The following ZNF251 variants were observed in gnomAD, a reference collection of about 807,000 sequenced individuals.
The protein encoded by ZNF251 is zinc finger protein 251.
In ZNF251, 14 loss-of-function variants were observed where a neutral mutation model predicts 13.5. The observed-to-expected ratio is 1.04, with a 90% CI of 0.69 to 1.63. The LOEUF (loss-of-function observed/expected upper bound fraction) is 1.63, where lower values mean the gene tolerates loss of function less well. ZNF251 is among the 40% of genes most tolerant of loss of function. The pLI is 0.00. For synonymous variants in ZNF251, 287 were observed against 295.2 expected (o/e 0.97, Z 0.28); for missense variants, 764 against 834.9 (o/e 0.92, Z 1.05).
chr8:144,752,019 AGC>A (rs1824718074), intron 4 of ZNF251, among the ~76,000 whole-genome samples: 1 of 152,262 alleles, frequency 6.6e-6, no homozygotes, highest in Admixed American at 6.5e-5. Flanking sequence ...CTTATAATAC[AGC>A]TTCAAGATAC....
At chr8:144,744,774 G>C (rs891995665) in intron 4 of ZNF251, among the ~76,000 whole-genome samples, 6 of 152,256 alleles carry the variant, frequency 3.9e-5, no homozygotes, top group African/African-American at 1.2e-4. Flanking sequence ...AAGAAAATAA[G>C]GCCGGGCGCA....
chr8:144,754,129 A>G, intron 3 of ZNF251, 63 bp downstream of exon 3: 1 of 1,560,572 alleles, frequency 6.4e-7, no homozygotes, highest in Non-Finnish European at 8.7e-7. Context: ...AAAGAGCCAA[A>G]GCAGCCTCCC....
chr8:144,730,183 A>G, intron 4 of ZNF251: 1 of 922,180 alleles, frequency 1.1e-6, no homozygotes, highest in East Asian at 1.2e-4. Flanking sequence ...ACCGGGCCTA[A>G]AGCCCCTCCA....
chr8:144,741,953 C>T (rs1824183983), intron 4 of ZNF251, among the ~76,000 whole-genome samples: 1 of 151,986 alleles, frequency 6.6e-6, no homozygotes, highest in African/African-American at 2.4e-5. Context: ...AAAAATTTCC[C>T]AAATTTGATG....
intron 4 of ZNF251, among the ~76,000 whole-genome samples, chr8:144,723,891 A>C (rs749139282): frequency 1.7e-4 from 26 of 152,218 alleles, no homozygotes; most frequent in Non-Finnish European, 2.9e-4. Flanking sequence ...AGTGACAGAC[A>C]GGAAGGCCTG....
chr8:144,729,432 G>A (rs1823625600), intron 4 of ZNF251, among the ~76,000 whole-genome samples: 1 of 150,804 alleles, frequency 6.6e-6, no homozygotes. Flanking sequence ...CGCCTCCCGG[G>A]TTCACGCCAT....
intron 4 of ZNF251, among the ~76,000 whole-genome samples, chr8:144,732,772 A>G (rs1301361749): frequency 6.1e-5 from 9 of 148,262 alleles, no homozygotes; most frequent in Admixed American, 2.8e-4. Context: ...AGATCGCACC[A>G]CTGCACTCCA....
Position 144,732,840 on chromosome 8 carries a change from C to T in ZNF251, c.278-9458G>A, listed in dbSNP as rs572896879. Among the ~76,000 whole-genome samples, 6 of 147,764 alleles carry T rather than the reference C, an allele frequency of 4.1e-5. No homozygotes were observed. The South Asian group carries it at 8.7e-4, about 21-fold the overall frequency. On this transcript the variant is annotated intron_variant, in intron 4 of 4. Coordinates refer to ENST00000292562, the MANE Select transcript of ZNF251 (RefSeq NM_138367.2). Reference sequence around the variant, plus strand: ...AAAAAAAAAAAAAAAATACATTGGACAGCCTTAGAACCTATCAGACCTCAA... The same window carrying T: ...AAAAAAAAAAAAAAAATACATTGGATAGCCTTAGAACCTATCAGACCTCAA...
intron 4 of ZNF251, among the ~76,000 whole-genome samples, chr8:144,738,135 CCGGCCCAGCAGG>C (rs1363336391): frequency 2.6e-5 from 4 of 152,088 alleles, no homozygotes; most frequent in Non-Finnish European, 2.9e-5. Flanking sequence ...CAGCCCTCAC[CCGGCCCAGCAGG>C]CGGCCCAGCA....
At chr8:144,743,674 A>C (rs1286037869) in intron 4 of ZNF251, among the ~76,000 whole-genome samples, 1 of 152,190 alleles carries the variant, frequency 6.6e-6, no homozygotes, top group Non-Finnish European at 1.5e-5. Flanking sequence ...TTGCATCCCC[A>C]CCTGCAATGA....
chr8:144,732,588 GA>G (rs903135441), intron 4 of ZNF251, among the ~76,000 whole-genome samples: 40 of 149,790 alleles, frequency 2.7e-4, no homozygotes, highest in African/African-American at 9.4e-4. Context: ...CAAGGCGGGG[GA>G]ATCACGAGGT....
chr8:144,747,802 G>A (rs931548189), intron 4 of ZNF251, among the ~76,000 whole-genome samples: 1 of 152,160 alleles, frequency 6.6e-6, no homozygotes, highest in African/African-American at 2.4e-5. Context: ...AGTAGAGATG[G>A]GGTTTCTCCA....
At chr8:144,730,223 A>G (rs1346572799) in intron 4 of ZNF251, 1 of 581,278 alleles carries the variant, frequency 1.7e-6, no homozygotes, top group African/African-American at 2.0e-5. Context: ...CAATCCCTGG[A>G]CTGAAAGAGC....
At position 144,733,462 on chromosome 8, in the gene ZNF251, C is replaced by T. The variant is rs546755249; in HGVS notation, c.278-10080G>A. Among the ~76,000 whole-genome samples the T allele has an allele frequency of 2.6e-5, 4 of 152,354 alleles. No homozygotes were observed. The South Asian group carries it at 6.2e-4, about 24-fold the overall frequency. On this transcript the variant is annotated intron_variant, in intron 4 of 4. Coordinates refer to ENST00000292562, the MANE Select transcript of ZNF251 (RefSeq NM_138367.2). ...GACATGAGCTCCGGCTGCCATGAGG[C>T]CTCCGGCAGCGGCCTGAGTTCCCAA... is the stretch of plus-strand genomic sequence containing the variant.
At position 144,755,376 on chromosome 8, in the gene ZNF251, C is replaced by T. The variant is rs190105509; in HGVS notation, c.-76+29G>A. The T allele has an allele frequency of 1.8e-3, 2,338 of 1,287,192 alleles. 39 individuals are homozygous for T. In the African/African-American group the frequency reaches 0.031, roughly 17 times the overall value. The allele number at this position is 1,287,192 out of a possible 1,614,324, so 79.7% of individuals were successfully genotyped here. A position where few individuals can be genotyped will look rare whatever the true frequency, so the allele number is the denominator to read the frequency against. ...CCTCCCCGCCTGCCTGCCCGCTTGG[C>T]GCTCCTTCCTGGTCCGACACTGCCC... On this transcript the variant is annotated intron_variant, in intron 1 of 4. Transcript: ENST00000292562.
Position 144,721,367 on chromosome 8 carries a change from A to AG in ZNF251, c.*276_*277insC. Reference sequence around the variant, plus strand: ...TAGACCCAGAGCACCAGCTGGGCTCACTTTTCACGCCCTCCATCCATTCGT... The same window carrying AG: ...TAGACCCAGAGCACCAGCTGGGCTCAGCTTTTCACGCCCTCCATCCATTCGT... On this transcript the variant is annotated 3_prime_UTR_variant, in exon 5 of 5. Transcript: ENST00000292562. The AG allele has an allele frequency of 2.5e-6, 1 of 399,294 alleles. No homozygotes were observed. Among genetic ancestry groups the AG allele is most frequent in the Non-Finnish European group, 4.4e-6 (1 of 228,192 alleles). 24.7% of individuals were successfully genotyped at this position (399,294 alleles called of 1,614,324 possible).
rs1823806334 is a variant in ZNF251, at chr8:144,734,056, T to C, written c.278-10674A>G. Among the ~76,000 whole-genome samples the C allele has an allele frequency of 6.6e-6, 1 of 152,206 alleles. No individual in the cohort carries two copies. The highest frequency in any genetic ancestry group is 2.4e-5 in the African/African-American group (1 of 41,464). ...GCCTAAACTGTGCAGCCTGAATGACTGTTGGGCAGGTAAGCGTGGCTCTGT... is the reference window on the plus strand; with the variant it reads ...GCCTAAACTGTGCAGCCTGAATGACCGTTGGGCAGGTAAGCGTGGCTCTGT... On this transcript the variant is annotated intron_variant, in intron 4 of 4. Transcript: ENST00000292562. This position sits in a 1 kb window ranked among gnomAD's most constrained non-coding sequence, Gnocchi z 4.4.
In ZNF251 at chr8:144,739,107, T is replaced by C. The variant is rs182390720; in HGVS notation, c.277+14576A>G. On this transcript the variant is annotated intron_variant, in intron 4 of 4. Coordinates refer to ENST00000292562, the MANE Select transcript of ZNF251 (RefSeq NM_138367.2). Reference sequence around the variant, plus strand: ...CAACACCGAGAACACAGACCCTCCCTGCTGCTGACTCCCATCACGACTCCA... The same window carrying C: ...CAACACCGAGAACACAGACCCTCCCCGCTGCTGACTCCCATCACGACTCCA... Among the ~76,000 whole-genome samples the C allele has an allele frequency of 1.0e-3, 151 of 148,898 alleles. 1 individual carries two copies. Among genetic ancestry groups the C allele is most frequent in the African/African-American group, 2.8e-3 (115 of 40,406 alleles).
intron 4 of ZNF251, among the ~76,000 whole-genome samples, chr8:144,747,600 G>A (rs190043896): frequency 9.8e-5 from 15 of 152,292 alleles, no homozygotes; most frequent in South Asian, 2.1e-4. Context: ...ATCAGTTTTC[G>A]CATCACATAT....
Sources: gnomAD v4.1 joint callset for allele counts (sites outside exome capture counted in the v4.1 genomes callset) on GRCh38, gnomAD v4.1.1 for gene constraint, Gnocchi (gnomAD v3.1) non-coding constraint, MANE v1.5 for transcripts, NCBI Gene and HGNC (gene_info 2026-07-23, HGNC 2026-07-21) for gene names.